Variants in PKD2 observed in about 807,000 individuals in gnomAD.
The protein encoded by PKD2 is polycystin 2, transient receptor potential cation channel, also known as polycystin-2.
A neutral mutation model predicts 105.9 loss-of-function variants in PKD2; 48 were observed. The ratio of observed to expected loss-of-function variants is 0.45; its 90% CI spans 0.36 to 0.58. The LOEUF is 0.58. Among genes scored for constraint, PKD2 ranks in the 20% least tolerant of loss-of-function variants. The pLI is 0.00. For missense variants in PKD2, 1,078 were observed against 1,255.3 expected (o/e 0.86, Z 2.13); for synonymous variants, 464 against 481.1 (o/e 0.96, Z 0.46).
chr4:88,040,432 C>T (rs1727518657), intron 4 of PKD2, among the ~76,000 whole-genome samples: 1 of 152,164 alleles, frequency 6.6e-6, no homozygotes, highest in Admixed American at 6.5e-5. Context: ...GTGATTTCTA[C>T]TCCAGGGTGG....
intron 6 of PKD2, among the ~76,000 whole-genome samples, chr4:88,049,371 A>G (rs1014803902): frequency 3.3e-5 from 5 of 152,242 alleles, no homozygotes; most frequent in African/African-American, 7.2e-5. Flanking sequence ...TTGGCGACCA[A>G]TAGGAAGAAA....
rs111387724 is a variant in PKD2, at chr4:88,011,106, A to T, written c.595+2778A>T. Among the ~76,000 whole-genome samples the T allele has an allele frequency of 8.7e-3, 1,319 of 152,344 alleles. 7 individuals are homozygous for T. The highest frequency in any genetic ancestry group is 0.024 in the Middle Eastern group (7 of 294). ...AGGTGAAGAGGGCCTGGACCAAAGGAAGCCAAGGATGACCGAAAGATTTAA... is the reference window on the plus strand; with the variant it reads ...AGGTGAAGAGGGCCTGGACCAAAGGTAGCCAAGGATGACCGAAAGATTTAA... On this transcript the variant is annotated intron_variant, in intron 1 of 14. Transcript: ENST00000237596.
At chr4:88,037,014 A>G (rs1434702898) in intron 3 of PKD2, among the ~76,000 whole-genome samples, 1 of 152,206 alleles carries the variant, frequency 6.6e-6, no homozygotes, top group African/African-American at 2.4e-5. Flanking sequence ...GGATTGCTTT[A>G]GCCCAGGATT....
chr4:88,074,891 G>A lies in PKD2; in HGVS notation c.2602G>A (p.Glu868Lys), dbSNP rs754032659. The change falls in exon 14 of 15, where the codon GAG becomes AAG. Residue 868 changes from glutamate (E) to lysine (K), a missense_variant. Glu to Lys is a moderately conservative substitution (Grantham distance 56, BLOSUM62 1). Transcript: ENST00000237596. ...GATTGACGCCGTGATCGTGAAGCTA[G>A]AGATTATGGAGCGAGCCAAACTGAA... ...SKIDAVIVKL[E>K]IMERAKLKRR... is the part of the protein sequence containing the mutation. The A allele has an allele frequency of 2.5e-6, 4 of 1,614,204 alleles. No individual in the cohort carries two copies. The highest frequency in any genetic ancestry group is 1.7e-5 in the Admixed American group (1 of 60,030).
At chr4:88,062,987 C>G (rs1360330739) in intron 10 of PKD2, among the ~76,000 whole-genome samples, 2 of 152,162 alleles carry the variant, frequency 1.3e-5, no homozygotes, top group East Asian at 3.9e-4. Flanking sequence ...CAACACAGTT[C>G]AAATTTCAGT....
chr4:88,031,332 CTACTA>C (rs1727142521), intron 2 of PKD2, among the ~76,000 whole-genome samples: 2 of 152,236 alleles, frequency 1.3e-5, no homozygotes, highest in African/African-American at 2.4e-5. Flanking sequence ...GGATGTAACT[CTACTA>C]TAAGTCAAGG....
chr4:88,076,855 A>G lies in PKD2; in HGVS notation c.*1161A>G, dbSNP rs890293018. On this transcript the variant is annotated 3_prime_UTR_variant, in exon 15 of 15. Transcript: ENST00000237596. ...GCAAAAATAAAAAATATAGTACTCA[A>G]GTATTCTTGATCCTGTGTTTCAAAA... 1 of 152,152 alleles carries G rather than the reference A, an allele frequency of 6.6e-6. No homozygotes were observed. The highest frequency in any genetic ancestry group is 2.4e-5 in the African/African-American group (1 of 41,432). 9.4% of individuals were successfully genotyped at this position (152,152 alleles called of 1,614,324 possible). A position where few individuals can be genotyped will look rare whatever the true frequency, so the allele number is the denominator to read the frequency against.
intron 7 of PKD2, among the ~76,000 whole-genome samples, chr4:88,053,152 A>G (rs1030135130): frequency 4.6e-5 from 7 of 152,194 alleles, no homozygotes; most frequent in African/African-American, 1.7e-4. Flanking sequence ...TCAAATTTAA[A>G]TTAGTTAAGC....
chr4:88,055,778 TC>T (rs1192295638), intron 7 of PKD2, among the ~76,000 whole-genome samples: 1 of 152,174 alleles, frequency 6.6e-6, no homozygotes, highest in African/African-American at 2.4e-5. Context: ...CAGAACTTTT[TC>T]ATTATTCTAA....
At position 88,043,250 on chromosome 4, in the gene PKD2, A is replaced by G; in HGVS notation, c.1112A>G (p.Glu371Gly). 2 of 1,609,912 alleles carry G rather than the reference A, an allele frequency of 1.2e-6. No homozygotes were observed. Among genetic ancestry groups the G allele is most frequent in the Non-Finnish European group, 1.7e-6 (2 of 1,176,394 alleles). The change falls in exon 5 of 15, where the codon GAA becomes GGA. Residue 371 changes from glutamate to glycine, a missense_variant. Coordinates refer to ENST00000237596, the MANE Select transcript of PKD2 (RefSeq NM_000297.4). The part of the protein sequence containing the change: ...RNGTAWIYTS[E>G]KDLNGSSHWG... Reference sequence around the variant, plus strand: ...TTAATCAGTTGGATCTACACAAGTGAAAAAGACTTGAATGGTAGTAGCCAC... The same window carrying G: ...TTAATCAGTTGGATCTACACAAGTGGAAAAGACTTGAATGGTAGTAGCCAC...
chr4:88,060,843 T>C (rs903672948), intron 9 of PKD2, among the ~76,000 whole-genome samples: 1 of 152,208 alleles, frequency 6.6e-6, no homozygotes, highest in Non-Finnish European at 1.5e-5. Context: ...GGACCTGTCC[T>C]GAGCACTTTA....
intron 9 of PKD2, among the ~76,000 whole-genome samples, chr4:88,058,350 C>G (rs984297475): frequency 6.6e-6 from 1 of 152,118 alleles, no homozygotes; most frequent in Non-Finnish European, 1.5e-5. Context: ...AAAATTAGAT[C>G]TCTTCCATGG....
intron 13 of PKD2, among the ~76,000 whole-genome samples, chr4:88,072,674 A>T (rs879501831): frequency 3.7e-4 from 57 of 152,158 alleles, no homozygotes; most frequent in Non-Finnish European, 7.5e-4. Context: ...GTGGGAACTG[A>T]GTGGAAGAAG....
chr4:88,059,703 C>T (rs1038861617), intron 9 of PKD2, among the ~76,000 whole-genome samples: 1 of 152,014 alleles, frequency 6.6e-6, no homozygotes, highest in African/African-American at 2.4e-5. Flanking sequence ...AATTGCTCTC[C>T]TTGCACCTCC....
chr4:88,038,938 ATTTT>A (rs1727445272), intron 4 of PKD2, among the ~76,000 whole-genome samples: 1 of 152,082 alleles, frequency 6.6e-6, no homozygotes, highest in Non-Finnish European at 1.5e-5. Context: ...TTGTGAGGCA[ATTTT>A]TTGTTAGGTT....
chr4:88,023,216 G>T (rs192956429), intron 2 of PKD2, among the ~76,000 whole-genome samples: 2 of 152,188 alleles, frequency 1.3e-5, no homozygotes, highest in African/African-American at 4.8e-5. Flanking sequence ...TGCTTCTGGG[G>T]AGGCCTCAGG....
In PKD2 at chr4:88,051,974, A is replaced by T; in HGVS notation, c.1549-17A>T. 7.1e-7 allele frequency: 1 copy of T among 1,402,262 alleles called. No homozygotes were observed. The highest frequency in any genetic ancestry group is 1.0e-6 in the Non-Finnish European group (1 of 989,386). The allele number at this position is 1,402,262 out of a possible 1,614,324, so 86.9% of individuals were successfully genotyped here. ...TTCTAAAACACTGTAATAAAATATA[A>T]ATATTTTGCTTTTCAGCTGTCAGTG... is the stretch of plus-strand genomic sequence containing the variant. On this transcript the variant is annotated splice_polypyrimidine_tract_variant and intron_variant, in intron 6 of 14. Coordinates refer to ENST00000237596, the MANE Select transcript of PKD2 (RefSeq NM_000297.4).
At chr4:88,059,556 G>T (rs989544783) in intron 9 of PKD2, among the ~76,000 whole-genome samples, 2 of 152,090 alleles carry the variant, frequency 1.3e-5, no homozygotes, top group African/African-American at 4.8e-5. Flanking sequence ...TTTGAATGTG[G>T]TCCTTTAGTA....
chr4:88,055,046 A>G (rs1183261443), intron 7 of PKD2, among the ~76,000 whole-genome samples: 2 of 152,136 alleles, frequency 1.3e-5, no homozygotes, highest in African/African-American at 2.4e-5. Flanking sequence ...TCAGTGCCTT[A>G]TCTACCAACA....
Sources: allele counts gnomAD v4.1 joint callset (sites outside exome capture counted in the v4.1 genomes callset), GRCh38; gene constraint gnomAD v4.1.1; transcripts MANE v1.5; gene names NCBI Gene and HGNC (gene_info 2026-07-23, HGNC 2026-07-21).